MIGA2: variants seen among roughly 807,000 people sequenced by gnomAD.
The protein encoded by MIGA2 is family with sequence similarity 73, member B.
MIGA2 carries 36 observed loss-of-function variants against 69.9 expected under a neutral mutation model. The ratio of observed to expected loss-of-function variants is 0.52; its 90% CI spans 0.39 to 0.68. The LOEUF (loss-of-function observed/expected upper bound fraction) is 0.68, where lower values mean the gene tolerates loss of function less well. Ranked by LOEUF, MIGA2 falls within the 30% of genes least tolerant of loss-of-function variation. The probability of loss-of-function intolerance (pLI) is 0.00; values close to 1 mark genes in which losing one functional copy is unlikely to be tolerated. For missense variants in MIGA2, 660 were observed against 787.7 expected (o/e 0.84, Z 1.94); for synonymous variants, 333 against 349.2 (o/e 0.95, Z 0.52).
In MIGA2 at chr9:129,049,939, G is replaced by T; in HGVS notation, c.651G>T (p.Glu217Asp). 6.2e-7 allele frequency: 1 copy of T among 1,613,504 alleles called. No homozygotes were observed. The highest frequency in any genetic ancestry group is 8.5e-7 in the Non-Finnish European group (1 of 1,179,902). ...CCAGGGACGGCCTCCGGAACCCAGAGACTGCATCAGAGCCACTGTCTGAGG... is the reference window on the plus strand; with the variant it reads ...CCAGGGACGGCCTCCGGAACCCAGATACTGCATCAGAGCCACTGTCTGAGG... ...PMPRDGLRNP[E>D]TASEPLSEPE... is the part of the protein sequence containing the mutation. The change falls in exon 6 of 16, where the codon GAG becomes GAT. Residue 217 changes from glutamate (E) to aspartate (D), a missense_variant. By Grantham distance (45) the Glu-to-Asp change is conservative. Coordinates refer to ENST00000684074, the MANE Select transcript of MIGA2 (RefSeq NM_001329990.2).
chr9:129,041,137 C>A (rs1588365283), intron 2 of MIGA2, among the ~76,000 whole-genome samples: 1 of 152,272 alleles, frequency 6.6e-6, no homozygotes, highest in East Asian at 1.9e-4. Flanking sequence ...GAGTTCAAGA[C>A]CAGCCTGACC....
At chr9:129,047,971 C>T (rs1020913594) in intron 3 of MIGA2, among the ~76,000 whole-genome samples, 4 of 151,272 alleles carry the variant, frequency 2.6e-5, no homozygotes, top group Admixed American at 2.6e-4. Flanking sequence ...TCAAGCAGTC[C>T]TCCCCCATCT....
intron 6 of MIGA2, among the ~76,000 whole-genome samples, chr9:129,054,734 G>A (rs553802119): frequency 6.6e-6 from 1 of 152,188 alleles, no homozygotes; most frequent in African/African-American, 2.4e-5. Context: ...TTGTTTATTT[G>A]TTCATCAGTT....
intron 11 of MIGA2, among the ~76,000 whole-genome samples, chr9:129,066,656 C>CAAAA (rs34457777): frequency 1.4e-5 from 1 of 71,312 alleles, no homozygotes; most frequent in African/African-American, 5.6e-5. Flanking sequence ...CCTGGGCGAC[C>CAAAA]AAAAAAAAAA....
intron 6 of MIGA2, among the ~76,000 whole-genome samples, chr9:129,052,272 G>T (rs947940678): frequency 2.6e-5 from 4 of 151,818 alleles, no homozygotes; most frequent in Admixed American, 2.0e-4. Context: ...AGAGGTGCCT[G>T]CCAGCACGCC....
rs776445948 is a variant in MIGA2, at chr9:129,070,280, G to A, written c.1609G>A (p.Asp537Asn). The A allele has an allele frequency of 3.7e-6, 6 of 1,612,982 alleles. No individual in the cohort carries two copies. The highest frequency in any genetic ancestry group is 3.3e-5 in the South Asian group (3 of 91,076). The change falls in exon 16 of 16, where the codon GAC becomes AAC. Residue 537 changes from aspartate (D) to asparagine (N), a missense_variant. Physicochemically the swap from Asp to Asn is conservative, Grantham distance 23. This residue lies in a region of MIGA2 where 220 missense variants were observed against 301.7 expected (regional missense o/e 0.73). Transcript: ENST00000684074. ...TGTGCAGTACCTGAGGGACATGTTCGACCTGGACAATGTGCGCTACACGTC... is the reference window on the plus strand; with the variant it reads ...TGTGCAGTACCTGAGGGACATGTTCAACCTGGACAATGTGCGCTACACGTC... ...QIVQYLRDMF[D>N]LDNVRYTSLP...
intron 3 of MIGA2, among the ~76,000 whole-genome samples, chr9:129,043,143 G>A (rs1845009265): frequency 6.6e-6 from 1 of 151,540 alleles, no homozygotes; most frequent in African/African-American, 2.4e-5. Flanking sequence ...GCAGTGAGCC[G>A]AGATTGCGCC....
chr9:129,055,083 T>TC (rs1211868993), intron 6 of MIGA2, among the ~76,000 whole-genome samples: 1 of 148,924 alleles, frequency 6.7e-6, no homozygotes, highest in Non-Finnish European at 1.5e-5. Context: ...TTCTTTTCTT[T>TC]TTTTTTTTTT....
chr9:129,048,726 G>T (rs1415607187), intron 4 of MIGA2, among the ~76,000 whole-genome samples, 187 bp downstream of exon 4: 1 of 152,180 alleles, frequency 6.6e-6, no homozygotes, highest in Non-Finnish European at 1.5e-5. Context: ...TGGGAGAAAG[G>T]TGGGCTGGTG....
In MIGA2 at chr9:129,060,021, G is replaced by C. The variant is rs17481449; in HGVS notation, c.794-529G>C. Among the ~76,000 whole-genome samples the C allele has an allele frequency of 0.033, 4,963 of 152,300 alleles. 193 individuals carry two copies. Among genetic ancestry groups the C allele is most frequent in the South Asian group, 0.098 (472 of 4,820 alleles). ...GGACCTTTAGGGTGGCCCGCCGCAG[G>C]TCTGTGGCCTTTGCTTATTTGCTCG... On this transcript the variant is annotated intron_variant, in intron 7 of 15. Transcript: ENST00000684074. The surrounding 1 kb of genome is among the most constrained non-coding windows in gnomAD (Gnocchi z 4.8).
At chr9:129,050,036 T>C in intron 6 of MIGA2, 73 bp downstream of exon 6, 2 of 1,539,322 alleles carry the variant, frequency 1.3e-6, no homozygotes, top group Non-Finnish European at 1.8e-6. Context: ...GGCCACACCT[T>C]GGGAGGCAGG....
chr9:129,047,705 G>A (rs1165484551), intron 3 of MIGA2, among the ~76,000 whole-genome samples: 1 of 151,676 alleles, frequency 6.6e-6, no homozygotes, highest in Non-Finnish European at 1.5e-5. Flanking sequence ...GATCCACCCA[G>A]CCCATCCTAA....
In MIGA2 at chr9:129,068,911, TC is replaced by T; in HGVS notation, c.1405-163del. The T allele has an allele frequency of 1.4e-6, 1 of 739,022 alleles. No individual in the cohort carries two copies. Among genetic ancestry groups the T allele is most frequent in the Admixed American group, 2.1e-5 (1 of 48,262 alleles). 45.8% of individuals were successfully genotyped at this position (739,022 alleles called of 1,614,324 possible). ...AGATTCAAGTTTAGGTATGTCTGAG[TC>T]CAAAATCAGAGGAGGAAGCAGCAGA... On this transcript the variant is annotated intron_variant, in intron 13 of 15. Coordinates refer to ENST00000684074, the MANE Select transcript of MIGA2 (RefSeq NM_001329990.2). This position sits in a 1 kb window ranked among gnomAD's most constrained non-coding sequence, Gnocchi z 4.1.
Position 129,069,971 on chromosome 9 carries a change from CAG to C in MIGA2, c.1575+11_1575+12del. The C allele has an allele frequency of 5.7e-6, 9 of 1,588,802 alleles. No individual in the cohort carries two copies. Among genetic ancestry groups the C allele is most frequent in the Non-Finnish European group, 6.9e-6 (8 of 1,164,850 alleles). Reference sequence around the variant, plus strand: ...AAGTCTGTGCTTTCTTCAAGGTAAACAGAGAGCAGTTCTCGTTCTTTCCTGAC... The same window carrying C: ...AAGTCTGTGCTTTCTTCAAGGTAAACAGAGCAGTTCTCGTTCTTTCCTGAC... On this transcript the variant is annotated splice_region_variant and intron_variant, in intron 15 of 15. Transcript: ENST00000684074. This position sits in a 1 kb window ranked among gnomAD's most constrained non-coding sequence, Gnocchi z 4.9.
intron 6 of MIGA2, among the ~76,000 whole-genome samples, chr9:129,057,284 A>G (rs879910949): frequency 2.6e-5 from 4 of 151,796 alleles, no homozygotes; most frequent in Non-Finnish European, 5.9e-5. Context: ...TATTTTATAT[A>G]TATAAATTTT....
At chr9:129,051,787 C>G (rs530922657) in intron 6 of MIGA2, among the ~76,000 whole-genome samples, 1 of 148,376 alleles carries the variant, frequency 6.7e-6, no homozygotes, top group Admixed American at 6.8e-5. Context: ...TTAGTAGAGA[C>G]GGGGTTTCAC....
At position 129,061,690 on chromosome 9, in the gene MIGA2, G is replaced by A. The variant is rs1013129912; in HGVS notation, c.1010+344G>A. Among the ~76,000 whole-genome samples the A allele has an allele frequency of 6.6e-6, 1 of 152,132 alleles. No homozygotes were observed. Among genetic ancestry groups the A allele is most frequent in the African/African-American group, 2.4e-5 (1 of 41,420 alleles). On this transcript the variant is annotated intron_variant, in intron 9 of 15. Transcript: ENST00000684074. This position sits in a 1 kb window ranked among gnomAD's most constrained non-coding sequence, Gnocchi z 5.0. ...ATACAGAGAAGATGAACGTGGTCCC[G>A]GCATAAGGATAACATGCAGATTTAC...
In MIGA2 at chr9:129,061,263, G is replaced by C. The variant is rs769104486; in HGVS notation, c.927G>C (p.Pro309=). 1 of 1,610,930 alleles carries C rather than the reference G, an allele frequency of 6.2e-7. No homozygotes were observed. Among genetic ancestry groups the C allele is most frequent in the East Asian group, 2.2e-5 (1 of 44,834 alleles). The change falls in exon 9 of 16, where the codon CCG becomes CCC. Residue 309 remains proline (P), a synonymous_variant. Coordinates refer to ENST00000684074, the MANE Select transcript of MIGA2 (RefSeq NM_001329990.2). The surrounding 1 kb of genome is among the most constrained non-coding windows in gnomAD (Gnocchi z 5.0). ...AGTCCCTGCAGACTGGAGATTACCC[G>C]ATCCCACTCTCCAGACCCGCCGCTG... ...LFESLQTGDY[P]IPLSRPAAAY...
Position 129,068,568 on chromosome 9 carries a change from G to A in MIGA2, c.1404+236G>A. ...GGTGTGCGCTTTCTTCCTATTGTGT[G>A]GTTTTACTTTTGTGCTGGTATGAAT... is the stretch of plus-strand genomic sequence containing the variant. On this transcript the variant is annotated intron_variant, in intron 13 of 15. Coordinates refer to ENST00000684074, the MANE Select transcript of MIGA2 (RefSeq NM_001329990.2). The surrounding 1 kb of genome is among the most constrained non-coding windows in gnomAD (Gnocchi z 4.1). The A allele has an allele frequency of 1.9e-6, 1 of 535,704 alleles. No individual in the cohort carries two copies. The highest frequency in any genetic ancestry group is 3.3e-6 in the Non-Finnish European group (1 of 301,842). 33.2% of individuals were successfully genotyped at this position (535,704 alleles called of 1,614,324 possible).
Sources: gnomAD v4.1 joint callset for allele counts (sites outside exome capture counted in the v4.1 genomes callset) on GRCh38, gnomAD v4.1.1 for gene constraint, gnomAD v4.1.1 regional missense constraint, Gnocchi (gnomAD v3.1) non-coding constraint, MANE v1.5 for transcripts, NCBI Gene and HGNC (gene_info 2026-07-23, HGNC 2026-07-21) for gene names.